ADAMTS12: variants seen among roughly 807,000 people sequenced by gnomAD.
ADAMTS12 encodes A disintegrin and metalloproteinase with thrombospondin motifs 12.
A neutral mutation model predicts 167.8 loss-of-function variants in ADAMTS12; 118 were observed. The observed-to-expected ratio is 0.70, with a 90% CI of 0.61 to 0.82. The LOEUF is 0.82. Among genes scored for constraint, ADAMTS12 ranks in the 40% least tolerant of loss-of-function variants. The pLI, the probability that ADAMTS12 is intolerant of heterozygous loss-of-function variation, is 0.00. For synonymous variants in ADAMTS12, 704 were observed against 716.9 expected, an observed-to-expected ratio of 0.98 and a Z score of 0.29; for missense variants, 1,916 against 1,998.8, an observed-to-expected ratio of 0.96 and a Z score of 0.79.
intron 2 of ADAMTS12, among the ~76,000 whole-genome samples, chr5:33,834,151 C>T (rs915048824): frequency 2.0e-4 from 30 of 152,238 alleles, no homozygotes; most frequent in African/African-American, 6.7e-4. Context: ...ATAAGGACAG[C>T]AGTCATATTG....
chr5:33,680,581 C>T (rs1461121396), intron 5 of ADAMTS12, among the ~76,000 whole-genome samples: 2 of 151,994 alleles, frequency 1.3e-5, no homozygotes, highest in African/African-American at 4.8e-5. Context: ...TGTGCTCAAC[C>T]AGTATGAAAA....
In ADAMTS12 at chr5:33,677,729, CT is replaced by C. The variant is rs554099457; in HGVS notation, c.915+5288del. The stretch of plus-strand genomic sequence containing the variant: ...GCTGGCTCCCATCTGAACTCACTGT[CT>C]GTTTTCTTGGCCCATGGTTTCTTAA... On this transcript the variant is annotated intron_variant, in intron 5 of 23. Transcript: ENST00000504830. Among the ~76,000 whole-genome samples, 226 of 152,304 alleles carry C rather than the reference CT, an allele frequency of 1.5e-3. 2 individuals carry two copies. The highest frequency in any genetic ancestry group is 5.3e-3 in the African/African-American group (221 of 41,564).
intron 2 of ADAMTS12, among the ~76,000 whole-genome samples, chr5:33,758,767 C>T: frequency 6.6e-6 from 1 of 152,122 alleles, no homozygotes. Context: ...AGGTGGGACA[C>T]ACTCCAACAT....
intron 12 of ADAMTS12, among the ~76,000 whole-genome samples, chr5:33,635,488 A>G (rs1740145355): frequency 6.6e-6 from 1 of 152,176 alleles, no homozygotes; most frequent in African/African-American, 2.4e-5. Flanking sequence ...AGGTCCTCCG[A>G]ACCTATTAGC....
chr5:33,791,016 G>T (rs1015907578), intron 2 of ADAMTS12, among the ~76,000 whole-genome samples: 4 of 151,828 alleles, frequency 2.6e-5, no homozygotes, highest in Non-Finnish European at 5.9e-5. Context: ...CAGAGCATGC[G>T]GTCACACTCT....
intron 3 of ADAMTS12, among the ~76,000 whole-genome samples, chr5:33,704,968 A>C (rs777459181): frequency 6.6e-6 from 1 of 151,062 alleles, no homozygotes; most frequent in Admixed American, 6.6e-5. Flanking sequence ...TTATTGTTTC[A>C]ATCTTGAGGG....
chr5:33,632,494 G>A (rs1445030476), intron 12 of ADAMTS12, among the ~76,000 whole-genome samples: 3 of 152,198 alleles, frequency 2.0e-5, no homozygotes. Flanking sequence ...CAGTGGATAA[G>A]CTGTCTGACC....
chr5:33,810,595 G>T (rs1323884757), intron 2 of ADAMTS12, among the ~76,000 whole-genome samples: 1 of 152,190 alleles, frequency 6.6e-6, no homozygotes, highest in African/African-American at 2.4e-5. Flanking sequence ...AAAAAGTGAA[G>T]TAATTTCTAG....
At chr5:33,779,313 G>A (rs539087018) in intron 2 of ADAMTS12, among the ~76,000 whole-genome samples, 2 of 151,776 alleles carry the variant, frequency 1.3e-5, no homozygotes, top group East Asian at 1.9e-4. Context: ...AGCCTCCTGA[G>A]TAGCTGGGAT....
At chr5:33,625,495 A>AT (rs1739542506) in intron 13 of ADAMTS12, among the ~76,000 whole-genome samples, 2 of 152,184 alleles carry the variant, frequency 1.3e-5, no homozygotes, top group African/African-American at 2.4e-5. Context: ...TCCTTCACTG[A>AT]TTTAGAATGA....
chr5:33,589,145 T>C (rs1747515991), intron 17 of ADAMTS12, among the ~76,000 whole-genome samples: 1 of 152,270 alleles, frequency 6.6e-6, no homozygotes, highest in Non-Finnish European at 1.5e-5. Flanking sequence ...TTTCTCATTA[T>C]TCAATGGGTG....
At chr5:33,624,074 C>A (rs1244123105) in intron 14 of ADAMTS12, among the ~76,000 whole-genome samples, 157 bp downstream of exon 14, 2 of 152,194 alleles carry the variant, frequency 1.3e-5, no homozygotes, top group East Asian at 3.8e-4. Context: ...CCGAAGAACC[C>A]TTCCTCCTTT....
intron 7 of ADAMTS12, 77 bp from the exon 8 acceptor site, chr5:33,649,774 G>A (rs532732717): frequency 1.3e-6 from 2 of 1,557,786 alleles, no homozygotes; most frequent in Non-Finnish European, 1.7e-6. Context: ...GTTTCCCTAA[G>A]AGCGTAATAA....
At position 33,588,927 on chromosome 5, in the gene ADAMTS12, A is replaced by G. The variant is rs953503335; in HGVS notation, c.2655-118T>C. ...ACAGGGCTGGAAGGGCCATGGAGAC[A>G]CTCCAACCCACTAGGGGGCGTGCTG... On this transcript the variant is annotated intron_variant, in intron 17 of 23. Transcript: ENST00000504830. 6.7e-6 allele frequency: 8 copies of G among 1,202,208 alleles called. No homozygotes were observed. In the African/African-American group the frequency reaches 1.1e-4, roughly 16 times the overall value. 74.5% of individuals were successfully genotyped at this position (1,202,208 alleles called of 1,614,324 possible). A position where few individuals can be genotyped will look rare whatever the true frequency, so the allele number is the denominator to read the frequency against.
chr5:33,641,713 G>T, intron 11 of ADAMTS12, 97 bp downstream of exon 11: 1 of 1,205,750 alleles, frequency 8.3e-7, no homozygotes, highest in Non-Finnish European at 1.1e-6. Flanking sequence ...TTACCTGGAG[G>T]AGGCTTGGGG....
chr5:33,878,161 T>C (rs1223285228), intron 2 of ADAMTS12, among the ~76,000 whole-genome samples: 1 of 152,132 alleles, frequency 6.6e-6, no homozygotes, highest in South Asian at 2.1e-4. Context: ...CCACTATCCT[T>C]TGGACTACGA....
intron 23 of ADAMTS12, among the ~76,000 whole-genome samples, chr5:33,532,224 A>G (rs897847378): frequency 2.0e-5 from 3 of 152,188 alleles, no homozygotes; most frequent in African/African-American, 7.2e-5. Context: ...AGAAGCTTGA[A>G]AAACAATTTC....
intron 3 of ADAMTS12, among the ~76,000 whole-genome samples, chr5:33,747,886 C>A (rs145959063): frequency 6.6e-6 from 1 of 152,094 alleles, no homozygotes; most frequent in African/African-American, 2.4e-5. Context: ...GTGCTTCAGA[C>A]AAAGAGGTAT....
intron 4 of ADAMTS12, among the ~76,000 whole-genome samples, chr5:33,683,483 C>G (rs186931895): frequency 5.4e-4 from 83 of 152,306 alleles, no homozygotes; most frequent in African/African-American, 1.9e-3. Flanking sequence ...GAGTCATTAA[C>G]TTTATTCCAA....
Sources: allele counts gnomAD v4.1 joint callset (sites outside exome capture counted in the v4.1 genomes callset), GRCh38; gene constraint gnomAD v4.1.1; transcripts MANE v1.5; gene names NCBI Gene and HGNC (gene_info 2026-07-23, HGNC 2026-07-21).